Variants in FARS2 observed in about 807,000 individuals in gnomAD.
FARS2 encodes the protein phenylalanyl-tRNA synthetase 2, mitochondrial.
FARS2 carries 40 observed loss-of-function variants against 46.4 expected under a neutral mutation model. The ratio of observed to expected loss-of-function variants is 0.86; its 90% CI spans 0.67 to 1.12. The LOEUF (loss-of-function observed/expected upper bound fraction) is 1.12. Among genes scored for constraint, FARS2 ranks in the 50% most tolerant of loss-of-function variants. FARS2 has a pLI of 0.00. For synonymous variants in FARS2, 234 were observed against 214.9 expected, an observed-to-expected ratio of 1.09 and a Z score of -0.78; for missense variants, 513 against 567.9, an observed-to-expected ratio of 0.90 and a Z score of 0.98.
chr6:5,653,493 C>T (rs778941049), intron 6 of FARS2, among the ~76,000 whole-genome samples: 1 of 152,208 alleles, frequency 6.6e-6, no homozygotes, highest in Non-Finnish European at 1.5e-5. Flanking sequence ...AAAGCAGGCT[C>T]AGCCCTTAGC....
intron 6 of FARS2, among the ~76,000 whole-genome samples, chr6:5,666,137 A>C (rs1336492248): frequency 6.6e-6 from 1 of 152,200 alleles, no homozygotes; most frequent in Non-Finnish European, 1.5e-5. Context: ...ACTAAACCCA[A>C]AATACTGGGT....
At chr6:5,268,892 G>A (rs1765741222) in intron 1 of FARS2, among the ~76,000 whole-genome samples, 1 of 152,116 alleles carries the variant, frequency 6.6e-6, no homozygotes, top group Non-Finnish European at 1.5e-5. Context: ...GCAGTGGTTT[G>A]TAGTTCTCCT....
At chr6:5,759,764 C>G (rs1762391738) in intron 6 of FARS2, among the ~76,000 whole-genome samples, 2 of 152,070 alleles carry the variant, frequency 1.3e-5, no homozygotes, top group Admixed American at 1.3e-4. Flanking sequence ...CACTCGTCAG[C>G]TTAGTATAAG....
intron 4 of FARS2, among the ~76,000 whole-genome samples, chr6:5,482,716 C>A (rs533223338): frequency 2.0e-4 from 30 of 152,304 alleles, no homozygotes; most frequent in African/African-American, 7.2e-4. Context: ...GAGAAAAAAA[C>A]CTCAGCTCAG....
At chr6:5,632,120 G>A (rs1392977598) in intron 6 of FARS2, among the ~76,000 whole-genome samples, 1 of 152,122 alleles carries the variant, frequency 6.6e-6, no homozygotes, top group Non-Finnish European at 1.5e-5. Context: ...TTCACCCTAT[G>A]CCCCAATAAA....
At chr6:5,305,421 A>G (rs766342396) in intron 1 of FARS2, among the ~76,000 whole-genome samples, 1 of 152,230 alleles carries the variant, frequency 6.6e-6, no homozygotes, top group Non-Finnish European at 1.5e-5. Flanking sequence ...CTTGTGTTGA[A>G]GTAGTGGGAT....
intron 4 of FARS2, among the ~76,000 whole-genome samples, chr6:5,433,699 T>C (rs1009308355): frequency 2.6e-5 from 4 of 152,212 alleles, no homozygotes; most frequent in African/African-American, 9.6e-5. Context: ...CTGTGATGAT[T>C]TGATAGTTTT....
chr6:5,411,582 T>G (rs1761944534), intron 3 of FARS2, among the ~76,000 whole-genome samples: 1 of 152,184 alleles, frequency 6.6e-6, no homozygotes, highest in Admixed American at 6.5e-5. Context: ...TTTTCACCTT[T>G]TATTATTATT....
chr6:5,542,894 A>G (rs1054931692), intron 4 of FARS2, among the ~76,000 whole-genome samples: 22 of 152,162 alleles, frequency 1.4e-4, no homozygotes, highest in African/African-American at 5.3e-4. Context: ...GAGATTTTTC[A>G]GATATTTTTC....
At chr6:5,562,728 AG>A (rs60287171) in intron 5 of FARS2, among the ~76,000 whole-genome samples, 5,854 of 141,874 alleles carry the variant, frequency 0.041, 197 homozygotes, top group African/African-American at 0.11. Context: ...ACACACACAC[AG>A]TGTTTTTCAT....
intron 5 of FARS2, among the ~76,000 whole-genome samples, chr6:5,607,285 ATGTGTGTGTGTGTGTGTGTGTGTG>A (rs200898031): frequency 1.3e-5 from 1 of 74,986 alleles, no homozygotes; most frequent in Non-Finnish European, 3.3e-5. Context: ...AATAATATGT[ATGTGTGTGTGTGTGTGTGTGTGTG>A]TGTGTGTGTG....
intron 1 of FARS2, among the ~76,000 whole-genome samples, chr6:5,359,183 G>A (rs1416966321): frequency 1.3e-5 from 2 of 151,880 alleles, no homozygotes; most frequent in African/African-American, 4.8e-5. Context: ...GGAATTACAG[G>A]TGTGTGCAAC....
At chr6:5,501,493 TTTTA>T (rs1298166453) in intron 4 of FARS2, among the ~76,000 whole-genome samples, 1 of 151,948 alleles carries the variant, frequency 6.6e-6, no homozygotes, top group Non-Finnish European at 1.5e-5. Context: ...TTTATTTTAT[TTTTA>T]TTTATTTATT....
In FARS2 at chr6:5,343,043, A is replaced by T. The variant is rs111413592; in HGVS notation, c.-21-25507A>T. Reference sequence around the variant, plus strand: ...CTTACAAGAAAACAGACAAAACCTCATTAAAATCTACATCACTCATTTCTG... The same window carrying T: ...CTTACAAGAAAACAGACAAAACCTCTTTAAAATCTACATCACTCATTTCTG... On this transcript the variant is annotated intron_variant, in intron 1 of 6. Transcript: ENST00000274680. This position sits in a 1 kb window ranked among gnomAD's most constrained non-coding sequence, Gnocchi z 4.5. 6.6e-6 allele frequency among the ~76,000 whole-genome samples: 1 copy of T among 152,190 alleles called. No homozygotes were observed. The highest frequency in any genetic ancestry group is 2.4e-5 in the African/African-American group (1 of 41,440).
chr6:5,659,976 C>T (rs1189393348), intron 6 of FARS2, among the ~76,000 whole-genome samples: 4 of 150,802 alleles, frequency 2.7e-5, no homozygotes, highest in African/African-American at 9.7e-5. Flanking sequence ...CTTCCTCTCC[C>T]TTCCCTCTTT....
chr6:5,314,220 G>A (rs1295911898), intron 1 of FARS2, among the ~76,000 whole-genome samples: 1 of 152,184 alleles, frequency 6.6e-6, no homozygotes, highest in African/African-American at 2.4e-5. Flanking sequence ...GAAGGTTAAG[G>A]TGGGCTGATG....
At chr6:5,670,555 A>G (rs1004902651) in intron 6 of FARS2, among the ~76,000 whole-genome samples, 1 of 152,194 alleles carries the variant, frequency 6.6e-6, no homozygotes, top group Non-Finnish European at 1.5e-5. Context: ...TTCAGAGCAA[A>G]TGAAATGTAG....
chr6:5,769,077 C>G (rs533321019), intron 6 of FARS2, among the ~76,000 whole-genome samples: 1 of 152,044 alleles, frequency 6.6e-6, no homozygotes, highest in Admixed American at 6.5e-5. Context: ...ATTTACTCAT[C>G]TGTTTTCTTC....
At chr6:5,719,560 T>C (rs1223107003) in intron 6 of FARS2, among the ~76,000 whole-genome samples, 1 of 152,038 alleles carries the variant, frequency 6.6e-6, no homozygotes, top group Non-Finnish European at 1.5e-5. Flanking sequence ...TTCAGAAATC[T>C]CAGGTAAGGC....
Sources: gnomAD v4.1 joint callset for allele counts (sites outside exome capture counted in the v4.1 genomes callset) on GRCh38, gnomAD v4.1.1 for gene constraint, Gnocchi (gnomAD v3.1) non-coding constraint, MANE v1.5 for transcripts, NCBI Gene and HGNC (gene_info 2026-07-23, HGNC 2026-07-21) for gene names.